BRWD1: variants seen among roughly 807,000 people sequenced by gnomAD.
The protein encoded by BRWD1 is bromodomain and WD repeat domain containing 1.
A neutral mutation model predicts 251.2 loss-of-function variants in BRWD1; 82 were observed. The observed-to-expected ratio is 0.33, with a 90% confidence interval of 0.27 to 0.39. The LOEUF (loss-of-function observed/expected upper bound fraction) is 0.39. Ranked by LOEUF, BRWD1 falls within the 10% of genes least tolerant of loss-of-function variation. BRWD1 has a pLI of 1.00. For synonymous variants in BRWD1, 918 were observed against 902.8 expected, an observed-to-expected ratio of 1.02 and a Z score of -0.30; for missense variants, 2,233 against 2,711.6, an observed-to-expected ratio of 0.82 and a Z score of 3.92.
chr21:39,294,233 T>C (rs1381789026), intron 7 of BRWD1, among the ~76,000 whole-genome samples: 1 of 152,230 alleles, frequency 6.6e-6, no homozygotes, highest in Non-Finnish European at 1.5e-5. Flanking sequence ...ACAGTCTACA[T>C]AAAGATACTG....
In BRWD1 at chr21:39,313,231, C is replaced by G; in HGVS notation, c.108+10G>C. On this transcript the variant is annotated intron_variant, in intron 2 of 40. Transcript: ENST00000342449. Reference sequence around the variant, plus strand: ...GCCAAGTCCGCAGCCGCCCGCGGGCCCGCACTCACCTGGGCCGCTCTCCGA... The same window carrying G: ...GCCAAGTCCGCAGCCGCCCGCGGGCGCGCACTCACCTGGGCCGCTCTCCGA... The G allele has an allele frequency of 6.5e-7, 1 of 1,534,112 alleles. No homozygotes were observed. Among genetic ancestry groups the G allele is most frequent in the South Asian group, 1.2e-5 (1 of 84,398 alleles).
chr21:39,188,106 TTTG>T lies in BRWD1; in HGVS notation c.*8150_*8152del. The T allele has an allele frequency of 1.0e-6, 1 of 985,384 alleles. No homozygotes were observed. The highest frequency in any genetic ancestry group is 1.2e-6 in the Non-Finnish European group (1 of 829,908). The allele number at this position is 985,384 out of a possible 1,614,324, so 61.0% of individuals were successfully genotyped here. A position where few individuals can be genotyped will look rare whatever the true frequency, so the allele number is the denominator to read the frequency against. On this transcript the variant is annotated 3_prime_UTR_variant, in exon 41 of 41. Transcript: ENST00000342449. Reference sequence around the variant, plus strand: ...CCAAACTTAGGAGGGCTCAGATATGTTTGTTACCAGTGTCTCAAAGCCAAATTT... The same window carrying T: ...CCAAACTTAGGAGGGCTCAGATATGTTTACCAGTGTCTCAAAGCCAAATTT...
intron 25 of BRWD1, among the ~76,000 whole-genome samples, chr21:39,231,458 T>C (rs2033613713): frequency 6.6e-6 from 1 of 152,240 alleles, no homozygotes; most frequent in Non-Finnish European, 1.5e-5. Context: ...TCATTCACTA[T>C]TGTGGAATAT....
At position 39,210,086 on chromosome 21, in the gene BRWD1, G is replaced by A. The variant is rs760473438; in HGVS notation, c.4106C>T (p.Ala1369Val). 20 of 1,612,896 alleles carry A rather than the reference G, an allele frequency of 1.2e-5. No homozygotes were observed. The highest frequency in any genetic ancestry group is 5.5e-5 in the South Asian group (5 of 91,050). Reference protein sequence around the residue: ...DFGTVRETLDAGNYDSPLEFC... With the variant: ...DFGTVRETLDVGNYDSPLEFC... ...CTCCAAAGGGCTGTCATAATTTCCCGCATCTAGAGTTTCCCTTACTGTTCC... is the reference window on the plus strand; with the variant it reads ...CTCCAAAGGGCTGTCATAATTTCCCACATCTAGAGTTTCCCTTACTGTTCC... Residue 1369 changes from alanine (A) to valine (V), a missense_variant, in exon 36 of 41, where the codon GCG becomes GTG. Ala to Val is a moderately conservative substitution (Grantham distance 64, BLOSUM62 0). This residue lies in a region of BRWD1 where 69 missense variants were observed against 101.6 expected (regional missense o/e 0.68). Transcript: ENST00000342449.
intron 17 of BRWD1, among the ~76,000 whole-genome samples, chr21:39,261,246 A>C (rs2034734499): frequency 6.6e-6 from 1 of 152,154 alleles, no homozygotes; most frequent in African/African-American, 2.4e-5. Flanking sequence ...TTTTAATTAA[A>C]TACTGTTATG....
chr21:39,253,529 T>G (rs117473091), intron 19 of BRWD1, among the ~76,000 whole-genome samples: 23 of 152,328 alleles, frequency 1.5e-4, no homozygotes, highest in Non-Finnish European at 2.6e-4. Flanking sequence ...ATGACACTTT[T>G]GGTTCTGATG....
At position 39,199,052 on chromosome 21, in the gene BRWD1, T is replaced by C; in HGVS notation, c.5364A>G (p.Ser1788=). The change falls in exon 40 of 41, where the codon TCA becomes TCG. Residue 1788 remains serine, a synonymous_variant. Transcript: ENST00000342449. ...TTCCTGGTTCAGAATCTGCTTCCTCTGAGATGCTCTCTGCCTTAAGTTTCT... is the reference window on the plus strand; with the variant it reads ...TTCCTGGTTCAGAATCTGCTTCCTCCGAGATGCTCTCTGCCTTAAGTTTCT... ...SVQKLKAESI[S]EEADSEPGRS... 2 of 1,614,228 alleles carry C rather than the reference T, an allele frequency of 1.2e-6. No homozygotes were observed. Among genetic ancestry groups the C allele is most frequent in the Non-Finnish European group, 1.7e-6 (2 of 1,180,042 alleles).
At chr21:39,255,872 C>G (rs769735406) in intron 18 of BRWD1, 44 bp from the exon 19 acceptor site, 2 of 1,551,760 alleles carry the variant, frequency 1.3e-6, no homozygotes, top group Non-Finnish European at 1.8e-6. Flanking sequence ...CACTTTTAAA[C>G]TAATATACAT....
chr21:39,221,782 T>C (rs1322203050), intron 29 of BRWD1, among the ~76,000 whole-genome samples: 1 of 152,022 alleles, frequency 6.6e-6, no homozygotes, highest in Admixed American at 6.6e-5. Flanking sequence ...CACATGCCTA[T>C]AGTTCCAGCT....
In BRWD1 at chr21:39,252,332, C is replaced by T. The variant is rs141029488; in HGVS notation, c.2256-1443G>A. ...AAACTACGTGCCTGAATCCTAGGCACAAAAAGAATTACTTATACTGGCAAG... is the reference window on the plus strand; with the variant it reads ...AAACTACGTGCCTGAATCCTAGGCATAAAAAGAATTACTTATACTGGCAAG... On this transcript the variant is annotated intron_variant, in intron 19 of 40. Transcript: ENST00000342449. Among the ~76,000 whole-genome samples the T allele has an allele frequency of 3.1e-3, 472 of 152,008 alleles. 1 individual carries two copies. Among genetic ancestry groups the T allele is most frequent in the Non-Finnish European group, 5.7e-3 (385 of 67,974 alleles).
intron 30 of BRWD1, 68 bp from the exon 31 acceptor site, chr21:39,218,340 ATCAT>A: frequency 1.3e-6 from 2 of 1,524,022 alleles, no homozygotes; most frequent in African/African-American, 1.4e-5. Flanking sequence ...TTCTCTAGAA[ATCAT>A]TCATAAGATA....
Position 39,295,697 on chromosome 21 carries a change from A to G in BRWD1, c.609+46T>C, listed in dbSNP as rs780166803. 9.9e-6 allele frequency: 14 copies of G among 1,417,912 alleles called. No homozygotes were observed. The African/African-American group carries it at 1.2e-4, about 12-fold the overall frequency. 87.8% of individuals were successfully genotyped at this position (1,417,912 alleles called of 1,614,324 possible). A position where few individuals can be genotyped will look rare whatever the true frequency, so the allele number is the denominator to read the frequency against. On this transcript the variant is annotated intron_variant, in intron 7 of 40. Transcript: ENST00000342449. ...TTCCTAGATGATTCTGAAGCACACT[A>G]AAGTACTCTAGATGACATCAAATCA...
chr21:39,267,331 C>G (rs972721407), intron 15 of BRWD1, among the ~76,000 whole-genome samples: 1 of 152,150 alleles, frequency 6.6e-6, no homozygotes, highest in East Asian at 1.9e-4. Flanking sequence ...TACAGTGGCT[C>G]AAGCCTGTAA....
intron 37 of BRWD1, among the ~76,000 whole-genome samples, chr21:39,203,352 T>C (rs1441909036): frequency 1.3e-5 from 2 of 151,394 alleles, no homozygotes; most frequent in Non-Finnish European, 2.9e-5. Flanking sequence ...CTCAGGAGAC[T>C]TGTTTTAGCC....
intron 8 of BRWD1, among the ~76,000 whole-genome samples, chr21:39,292,835 G>A (rs372583132): frequency 5.9e-5 from 9 of 152,228 alleles, no homozygotes; most frequent in East Asian, 5.8e-4. Flanking sequence ...TGCAGGCTTC[G>A]TTTTGCTCCT....
At chr21:39,248,270 T>C (rs1420558133) in intron 20 of BRWD1, among the ~76,000 whole-genome samples, 1 of 151,764 alleles carries the variant, frequency 6.6e-6, no homozygotes, top group African/African-American at 2.4e-5. Context: ...GAAATGCAAA[T>C]CAAAACCACA....
upstream of BRWD1, among the ~76,000 whole-genome samples, chr21:39,316,830 T>C (rs2036703684): frequency 6.6e-6 from 1 of 151,126 alleles, no homozygotes; most frequent in South Asian, 2.1e-4. Context: ...CCCAGCTACT[T>C]AAGAGGCTGA....
chr21:39,311,926 C>T (rs1297254510), intron 4 of BRWD1, among the ~76,000 whole-genome samples: 3 of 152,162 alleles, frequency 2.0e-5, no homozygotes, highest in African/African-American at 7.2e-5. Flanking sequence ...TGTTACAGGT[C>T]TTCCAACTGT....
chr21:39,278,940 G>A, intron 9 of BRWD1, 127 bp from the exon 10 acceptor site: 1 of 690,488 alleles, frequency 1.4e-6, no homozygotes, highest in Non-Finnish European at 2.2e-6. Flanking sequence ...TCGCCATGTT[G>A]CCCACACTAG....
Sources: gnomAD v4.1 joint callset for allele counts (sites outside exome capture counted in the v4.1 genomes callset) on GRCh38, gnomAD v4.1.1 for gene constraint, gnomAD v4.1.1 regional missense constraint, MANE v1.5 for transcripts, NCBI Gene and HGNC (gene_info 2026-07-23, HGNC 2026-07-21) for gene names.